MKLN1: variants seen among roughly 807,000 people sequenced by gnomAD.
The protein encoded by MKLN1 is muskelin.
A neutral mutation model predicts 99.0 loss-of-function variants in MKLN1; 18 were observed. The observed-to-expected ratio is 0.18, with a 90% confidence interval of 0.13 to 0.27. MKLN1 has a LOEUF of 0.27. MKLN1 is among the 10% of genes least tolerant of loss of function. The pLI is 1.00. For missense variants in MKLN1, 621 were observed against 875.9 expected (o/e 0.71, Z 3.67); for synonymous variants, 288 against 293.2 (o/e 0.98, Z 0.18).
At chr7:131,243,416 C>G (rs895358534) in intron 3 of MKLN1, among the ~76,000 whole-genome samples, 1 of 152,178 alleles carries the variant, frequency 6.6e-6, no homozygotes, top group Admixed American at 6.5e-5. Context: ...AACTCAAAAC[C>G]TCATGTGTTA....
intron 1 of MKLN1, among the ~76,000 whole-genome samples, chr7:131,374,790 AATAT>A (rs758555243): frequency 5.3e-5 from 8 of 152,100 alleles, no homozygotes; most frequent in Non-Finnish European, 1.2e-4. Context: ...ATGTATAAAA[AATAT>A]ATATATTCTA....
intron 3 of MKLN1, among the ~76,000 whole-genome samples, chr7:131,291,800 T>A (rs1798222772): frequency 7.0e-6 from 1 of 142,512 alleles, no homozygotes. Context: ...ACATTTAAAT[T>A]TAAAAAAAAA....
At chr7:131,120,064 G>C (rs147912702) in intron 1 of MKLN1, among the ~76,000 whole-genome samples, 2 of 151,564 alleles carry the variant, frequency 1.3e-5, no homozygotes, top group Non-Finnish European at 2.9e-5. Context: ...CCAGCTACTC[G>C]GGAGGCTGAG....
intron 17 of MKLN1, chr7:131,478,895 T>C: frequency 1.7e-6 from 1 of 583,852 alleles, no homozygotes; most frequent in East Asian, 2.9e-5. Context: ...TACCAATTGC[T>C]GTGTTAGTAT....
intron 3 of MKLN1, among the ~76,000 whole-genome samples, chr7:131,215,491 A>G (rs1441360028): frequency 6.6e-6 from 1 of 151,604 alleles, no homozygotes; most frequent in African/African-American, 2.4e-5. Context: ...ACTACAGACA[A>G]ACATCACCAC....
At chr7:131,466,445 A>G (rs1387109535) in intron 15 of MKLN1, 30 bp downstream of exon 15, 3 of 1,480,308 alleles carry the variant, frequency 2.0e-6, no homozygotes, top group Non-Finnish European at 2.8e-6. Flanking sequence ...AAAACATTTA[A>G]TTAACATTAT....
chr7:131,217,849 A>C (rs1481550679), intron 3 of MKLN1, among the ~76,000 whole-genome samples: 1 of 152,256 alleles, frequency 6.6e-6, no homozygotes, highest in African/African-American at 2.4e-5. Flanking sequence ...ATTAATGTGT[A>C]ATCGCCCAAC....
intron 3 of MKLN1, among the ~76,000 whole-genome samples, chr7:131,286,242 G>C (rs551165818): frequency 1.3e-5 from 2 of 152,116 alleles, no homozygotes; most frequent in Non-Finnish European, 2.9e-5. Context: ...GAGCCACTGC[G>C]CCTGGCCAAT....
chr7:131,341,345 T>C (rs1175639270), intron 1 of MKLN1, among the ~76,000 whole-genome samples: 1 of 152,242 alleles, frequency 6.6e-6, no homozygotes. Context: ...TTGGCTATTA[T>C]CCACTTATTC....
At chr7:131,208,767 CA>C (rs961709008) in intron 3 of MKLN1, among the ~76,000 whole-genome samples, 2 of 152,136 alleles carry the variant, frequency 1.3e-5, no homozygotes, top group African/African-American at 2.4e-5. Context: ...ACAGCAAACA[CA>C]ACAGATGAGG....
At chr7:131,346,588 T>G (rs930827850) in intron 1 of MKLN1, among the ~76,000 whole-genome samples, 2 of 151,578 alleles carry the variant, frequency 1.3e-5, no homozygotes, top group East Asian at 1.9e-4. Context: ...GCAACAATTA[T>G]AAGGTATGAA....
intron 1 of MKLN1, among the ~76,000 whole-genome samples, chr7:131,130,390 G>A (rs901157576): frequency 6.6e-6 from 1 of 152,198 alleles, no homozygotes; most frequent in African/African-American, 2.4e-5. Context: ...GTTCACTTAA[G>A]TACTTCCAAA....
intron 7 of MKLN1, among the ~76,000 whole-genome samples, chr7:131,414,281 C>T (rs111311512): frequency 6.6e-6 from 1 of 152,046 alleles, no homozygotes; most frequent in Non-Finnish European, 1.5e-5. Flanking sequence ...AGAATATATA[C>T]GGGAGATCTA....
chr7:131,230,519 G>A (rs574415583), intron 3 of MKLN1, among the ~76,000 whole-genome samples: 26 of 152,264 alleles, frequency 1.7e-4, no homozygotes, highest in Non-Finnish European at 2.8e-4. Context: ...ATGTTGATCC[G>A]TCATGTTGAC....
At chr7:131,366,965 G>T (rs999509819) in intron 1 of MKLN1, among the ~76,000 whole-genome samples, 7 of 152,118 alleles carry the variant, frequency 4.6e-5, no homozygotes, top group South Asian at 4.1e-4. Flanking sequence ...GTAATCGTTT[G>T]TTACTGACAT....
intron 2 of MKLN1, among the ~76,000 whole-genome samples, chr7:131,194,707 C>G (rs1796616851): frequency 6.6e-6 from 1 of 152,184 alleles, no homozygotes; most frequent in African/African-American, 2.4e-5. Context: ...CTTCACAGAG[C>G]TTGATTCAAA....
intron 2 of MKLN1, among the ~76,000 whole-genome samples, chr7:131,184,469 A>C (rs923206819): frequency 2.0e-5 from 3 of 151,906 alleles, no homozygotes; most frequent in Non-Finnish European, 2.9e-5. Flanking sequence ...GCTGAGTGGC[A>C]TGTTGCTTGC....
At chr7:131,296,484 AT>A (rs1346869344) in intron 3 of MKLN1, among the ~76,000 whole-genome samples, 2 of 152,150 alleles carry the variant, frequency 1.3e-5, no homozygotes, top group Non-Finnish European at 2.9e-5. Context: ...TGGGAACGAG[AT>A]TTTTCCCTTC....
chr7:131,236,246 G>A (rs1213555567), intron 3 of MKLN1, among the ~76,000 whole-genome samples: 1 of 152,120 alleles, frequency 6.6e-6, no homozygotes, highest in East Asian at 1.9e-4. Flanking sequence ...ATAGCTGAGG[G>A]TCTTTTTTGG....
Sources: gnomAD v4.1 joint callset for allele counts (sites outside exome capture counted in the v4.1 genomes callset) on GRCh38, gnomAD v4.1.1 for gene constraint, MANE v1.5 for transcripts, NCBI Gene and HGNC (gene_info 2026-07-23, HGNC 2026-07-21) for gene names.